ELMO1: variants seen among roughly 807,000 people sequenced by gnomAD.
The protein encoded by ELMO1 is engulfment and cell motility protein 1.
ELMO1 carries 26 observed loss-of-function variants against 98.9 expected under a neutral mutation model. The observed-to-expected ratio is 0.26, with a 90% CI of 0.19 to 0.36. ELMO1 has a LOEUF of 0.36. Among genes scored for constraint, ELMO1 ranks in the 10% least tolerant of loss-of-function variants. The pLI, the probability that ELMO1 is intolerant of heterozygous loss-of-function variation, is 1.00. For missense variants in ELMO1, 627 were observed against 935.2 expected (o/e 0.67, Z 4.30); for synonymous variants, 346 against 346.0 (o/e 1.00, Z 0.00).
Position 37,083,280 on chromosome 7 carries a change from G to C in ELMO1, c.1300+13339C>G, listed in dbSNP as rs184648476. Among the ~76,000 whole-genome samples the C allele has an allele frequency of 1.6e-3, 238 of 152,260 alleles. 4 individuals are homozygous for C. Among genetic ancestry groups the C allele is most frequent in the African/African-American group, 5.4e-3 (225 of 41,550 alleles). On this transcript the variant is annotated intron_variant, in intron 15 of 21. Coordinates refer to ENST00000310758, the MANE Select transcript of ELMO1 (RefSeq NM_014800.11). ...TGGGAGGGGGCCATCGGGCTGCCTA[G>C]GAATCAACTGCAGAGTCTATTAAGC...
At chr7:36,964,766 T>C (rs542591246) in intron 16 of ELMO1, among the ~76,000 whole-genome samples, 2 of 152,338 alleles carry the variant, frequency 1.3e-5, no homozygotes, top group East Asian at 1.9e-4. Context: ...CAAATGAACC[T>C]GCGCATACAC....
At chr7:36,974,398 A>G (rs922394625) in intron 16 of ELMO1, among the ~76,000 whole-genome samples, 2 of 152,246 alleles carry the variant, frequency 1.3e-5, no homozygotes, top group African/African-American at 2.4e-5. Context: ...CTCTGTATCT[A>G]GCTCAAGGTT....
chr7:37,140,742 A>C (rs1393929606), intron 13 of ELMO1, among the ~76,000 whole-genome samples: 1 of 148,448 alleles, frequency 6.7e-6, no homozygotes, highest in East Asian at 2.0e-4. Flanking sequence ...ACAATTCTCA[A>C]CAAAAGATAC....
At chr7:36,900,084 T>C (rs780182722) in intron 16 of ELMO1, among the ~76,000 whole-genome samples, 1 of 152,174 alleles carries the variant, frequency 6.6e-6, no homozygotes, top group Non-Finnish European at 1.5e-5. Context: ...GGGCCCACCC[T>C]AGATCTACTG....
intron 5 of ELMO1, among the ~76,000 whole-genome samples, chr7:37,266,125 C>T (rs1796230702): frequency 6.6e-6 from 1 of 152,166 alleles, no homozygotes; most frequent in African/African-American, 2.4e-5. Context: ...CTCTGCCTGC[C>T]AGCCTCCACT....
chr7:36,865,165 A>G (rs1001071354), intron 20 of ELMO1, among the ~76,000 whole-genome samples: 2 of 152,126 alleles, frequency 1.3e-5, no homozygotes, highest in Admixed American at 1.3e-4. Context: ...ACATTGTTTG[A>G]CGGTAACTCA....
intron 14 of ELMO1, among the ~76,000 whole-genome samples, chr7:37,120,651 C>T (rs1016869937): frequency 6.6e-6 from 1 of 152,194 alleles, no homozygotes; most frequent in African/African-American, 2.4e-5. Flanking sequence ...GTGGAGCCCA[C>T]CTCAGCTCAA....
At chr7:37,115,816 G>A (rs758391861) in intron 14 of ELMO1, among the ~76,000 whole-genome samples, 1 of 151,656 alleles carries the variant, frequency 6.6e-6, no homozygotes, top group Non-Finnish European at 1.5e-5. Flanking sequence ...GTTCACAGGG[G>A]ACATGATTGT....
chr7:37,379,038 T>A (rs1802480556), intron 1 of ELMO1, among the ~76,000 whole-genome samples: 1 of 145,796 alleles, frequency 6.9e-6, no homozygotes, highest in Non-Finnish European at 1.5e-5. Context: ...TTGCATCACA[T>A]TCTTCTTCTT....
At chr7:37,115,505 G>C (rs1253094204) in intron 14 of ELMO1, among the ~76,000 whole-genome samples, 3 of 151,966 alleles carry the variant, frequency 2.0e-5, no homozygotes, top group African/African-American at 7.2e-5. Flanking sequence ...TTGTATAATG[G>C]TATCAATAGA....
chr7:36,922,347 C>CAAAAAAAAA (rs750588423), intron 16 of ELMO1, among the ~76,000 whole-genome samples: 2 of 85,560 alleles, frequency 2.3e-5, no homozygotes, highest in African/African-American at 8.0e-5. Flanking sequence ...CACAGACTTG[C>CAAAAAAAAA]AAAAAAAAAA....
intron 17 of ELMO1, among the ~76,000 whole-genome samples, chr7:36,892,788 T>C (rs1197280370): frequency 1.3e-5 from 2 of 152,234 alleles, no homozygotes; most frequent in Admixed American, 6.5e-5. Flanking sequence ...GCTTAAATGC[T>C]GTGGCTCCTA....
At chr7:36,916,708 C>T (rs1784718878) in intron 16 of ELMO1, among the ~76,000 whole-genome samples, 1 of 152,234 alleles carries the variant, frequency 6.6e-6, no homozygotes, top group Non-Finnish European at 1.5e-5. Context: ...CTCTGGTTCC[C>T]CAGTTTCCAC....
At chr7:37,246,894 A>G (rs929871893) in intron 6 of ELMO1, among the ~76,000 whole-genome samples, 8 of 151,526 alleles carry the variant, frequency 5.3e-5, no homozygotes, top group African/African-American at 2.0e-4. Context: ...CTATCTATCT[A>G]TATCTCCTGT....
intron 6 of ELMO1, among the ~76,000 whole-genome samples, chr7:37,247,895 A>ATGTGTGTGTGAGTGTGTGTGTGTGTGTG (rs142333290): frequency 6.8e-6 from 1 of 146,554 alleles, no homozygotes; most frequent in African/African-American, 2.5e-5. Flanking sequence ...TTGAAATAAA[A>ATGTGTGTGTGAGTGTGTGTGTGTGTGTG]TGTGTGTGTG....
chr7:37,279,661 A>AAGC (rs1797040216), intron 4 of ELMO1, among the ~76,000 whole-genome samples: 1 of 152,212 alleles, frequency 6.6e-6, no homozygotes, highest in Non-Finnish European at 1.5e-5. Context: ...AGGGTAGAGG[A>AAGC]AGCAGCAGAA....
chr7:37,326,623 CA>C (rs1562616870), intron 2 of ELMO1, among the ~76,000 whole-genome samples: 1 of 150,464 alleles, frequency 6.6e-6, no homozygotes, highest in South Asian at 2.1e-4. Flanking sequence ...TGATTCATTT[CA>C]AAAAAACAGT....
intron 16 of ELMO1, among the ~76,000 whole-genome samples, chr7:36,896,588 G>A (rs1395860702): frequency 2.6e-5 from 4 of 152,170 alleles, no homozygotes; most frequent in African/African-American, 7.2e-5. Flanking sequence ...GAATTGGAAC[G>A]AACTGCATAA....
At chr7:37,356,275 G>A (rs930694207) in intron 1 of ELMO1, among the ~76,000 whole-genome samples, 1 of 152,164 alleles carries the variant, frequency 6.6e-6, no homozygotes, top group Non-Finnish European at 1.5e-5. Flanking sequence ...ACGTGCATGT[G>A]TCTTTATAGT....
Sources: allele counts gnomAD v4.1 joint callset (sites outside exome capture counted in the v4.1 genomes callset), GRCh38; gene constraint gnomAD v4.1.1; transcripts MANE v1.5; gene names NCBI Gene and HGNC (gene_info 2026-07-23, HGNC 2026-07-21).